The following SYNE1 variants were observed in gnomAD, a reference collection of about 807,000 sequenced individuals.
The protein encoded by SYNE1 is nesprin-1.
SYNE1 carries 616 observed loss-of-function variants against 1,111.0 expected under a neutral mutation model. That is an observed-to-expected ratio of 0.55 (90% confidence interval 0.52 to 0.59). The LOEUF is 0.59. Among genes scored for constraint, SYNE1 ranks in the 20% least tolerant of loss-of-function variants. The pLI, the probability that SYNE1 is intolerant of heterozygous loss-of-function variation, is 0.00. For synonymous variants in SYNE1, 3,855 were observed against 3,825.8 expected, an observed-to-expected ratio of 1.01 and a Z score of -0.28; for missense variants, 10,006 against 10,417.0, an observed-to-expected ratio of 0.96 and a Z score of 1.72.
chr6:152,463,630 A>G lies in SYNE1; in HGVS notation c.1933-113T>C. The G allele has an allele frequency of 1.5e-5, 14 of 931,754 alleles. No homozygotes were observed. The South Asian group carries it at 1.9e-4, about 12-fold the overall frequency. 57.7% of individuals were successfully genotyped at this position (931,754 alleles called of 1,614,324 possible). On this transcript the variant is annotated intron_variant, in intron 18 of 145. Coordinates refer to ENST00000367255, the MANE Select transcript of SYNE1 (RefSeq NM_182961.4). ...TTGTTTTAACATTCATGTGAATTTT[A>G]AGATAAATCACAAATCTCTTTAAAA... is the stretch of plus-strand genomic sequence containing the variant.
At chr6:152,336,728 T>C in intron 76 of SYNE1, 113 bp downstream of exon 76, 1 of 1,345,614 alleles carries the variant, frequency 7.4e-7, no homozygotes, top group Non-Finnish European at 1.1e-6. Flanking sequence ...GTTGTATTAA[T>C]GTCTAAGGAT....
At chr6:152,432,926 A>G (rs2154209558) in intron 34 of SYNE1, among the ~76,000 whole-genome samples, 1 of 152,268 alleles carries the variant, frequency 6.6e-6, no homozygotes, top group Admixed American at 6.5e-5. Flanking sequence ...TGTGAGAAGC[A>G]AGGATGATCT....
At chr6:152,252,488 A>T (rs1210553158) in intron 104 of SYNE1, among the ~76,000 whole-genome samples, 1 of 152,202 alleles carries the variant, frequency 6.6e-6, no homozygotes, top group Admixed American at 6.5e-5. Flanking sequence ...GTGATTCTAT[A>T]TATGTAATGT....
chr6:152,500,466 AG>A (rs2099023471), intron 10 of SYNE1, among the ~76,000 whole-genome samples: 1 of 152,232 alleles, frequency 6.6e-6, no homozygotes, highest in Non-Finnish European at 1.5e-5. Flanking sequence ...ATTGTTTTTA[AG>A]AAGCTAACAT....
chr6:152,300,754 G>C lies in SYNE1; in HGVS notation c.17569C>G (p.Leu5857Val). 1.2e-6 allele frequency: 2 copies of C among 1,614,224 alleles called. No individual in the cohort carries two copies. Among genetic ancestry groups the C allele is most frequent in the Admixed American group, 1.7e-5 (1 of 60,026 alleles). The change falls in exon 93 of 146, where the codon CTG becomes GTG. Residue 5857 changes from leucine to valine, a missense_variant. Transcript: ENST00000367255. ...MMTAGRCHTL[L>V]SPVTEESGEE... ...CCAGACTCCTCAGTGACCGGTGACAGCAAAGTGTGACAGCGACCTGCAGTC... is the reference window on the plus strand; with the variant it reads ...CCAGACTCCTCAGTGACCGGTGACACCAAAGTGTGACAGCGACCTGCAGTC...
chr6:152,165,554 G>A (rs1284788912), intron 130 of SYNE1, among the ~76,000 whole-genome samples: 1 of 151,858 alleles, frequency 6.6e-6, no homozygotes, highest in African/African-American at 2.4e-5. Flanking sequence ...ACCTTTTATT[G>A]TTTTAAAAAA....
At chr6:152,624,638 T>C (rs2099682361) in intron 3 of SYNE1, among the ~76,000 whole-genome samples, 1 of 152,168 alleles carries the variant, frequency 6.6e-6, no homozygotes, top group African/African-American at 2.4e-5. Context: ...TATATTTAAA[T>C]TGAGTAAAGT....
At chr6:152,535,123 A>C (rs1594857183) in intron 4 of SYNE1, among the ~76,000 whole-genome samples, 1 of 152,210 alleles carries the variant, frequency 6.6e-6, no homozygotes, top group Non-Finnish European at 1.5e-5. Context: ...ATCCAATATG[A>C]CTAGTGCCCT....
At chr6:152,260,776 G>A (rs2091877010) in intron 101 of SYNE1, among the ~76,000 whole-genome samples, 1 of 151,874 alleles carries the variant, frequency 6.6e-6, no homozygotes, top group Admixed American at 6.6e-5. Context: ...CATAATAGAA[G>A]CATGCAACCT....
intron 8 of SYNE1, among the ~76,000 whole-genome samples, chr6:152,508,100 A>G (rs2154335374): frequency 6.6e-6 from 1 of 152,302 alleles, no homozygotes; most frequent in Non-Finnish European, 1.5e-5. Context: ...CAGATTCTAA[A>G]GTCTTTTACA....
In SYNE1 at chr6:152,390,270, G is replaced by C. The variant is rs773947102; in HGVS notation, c.8177+10C>G. ...TGGACTTAAACAAACTCTAAAAATAGGTTCTGTACCTTTGAGCGTGGACGG... is the reference window on the plus strand; with the variant it reads ...TGGACTTAAACAAACTCTAAAAATACGTTCTGTACCTTTGAGCGTGGACGG... On this transcript the variant is annotated intron_variant, in intron 53 of 145. Coordinates refer to ENST00000367255, the MANE Select transcript of SYNE1 (RefSeq NM_182961.4). 1.2e-6 allele frequency: 2 copies of C among 1,613,858 alleles called. No homozygotes were observed. Among genetic ancestry groups the C allele is most frequent in the East Asian group, 2.2e-5 (1 of 44,868 alleles).
chr6:152,492,551 T>C (rs1275023634), intron 11 of SYNE1, among the ~76,000 whole-genome samples: 1 of 152,162 alleles, frequency 6.6e-6, no homozygotes, highest in Non-Finnish European at 1.5e-5. Context: ...CTAAGCCATG[T>C]CCCACTTGTG....
intron 3 of SYNE1, among the ~76,000 whole-genome samples, chr6:152,616,853 G>T (rs1246086473): frequency 6.6e-6 from 1 of 151,992 alleles, no homozygotes; most frequent in Non-Finnish European, 1.5e-5. Flanking sequence ...GGTTGCACAG[G>T]GTCCTGCACT....
intron 3 of SYNE1, among the ~76,000 whole-genome samples, chr6:152,614,165 A>C (rs1046466563): frequency 3.9e-5 from 6 of 152,348 alleles, no homozygotes; most frequent in Non-Finnish European, 7.3e-5. Flanking sequence ...GAGCTTCTGC[A>C]CGGCAAAAGA....
At position 152,505,281 on chromosome 6, in the gene SYNE1, C is replaced by T. The variant is rs771529667; in HGVS notation, c.698G>A (p.Arg233Lys). The stretch of plus-strand genomic sequence containing the variant: ...ATCCTCCAAATTTTCTCGGTTGGAT[C>T]TGCCTTTCACTGTCTCCAAGTCCAC... ...ELVDLETVKG[R>K]SNRENLEDAF... Residue 233 changes from arginine (R) to lysine (K), a missense_variant, in exon 9 of 146, where the codon AGA becomes AAA. By Grantham distance (26) the Arg-to-Lys change is conservative. This residue lies in a region of SYNE1 where 1,971 missense variants were observed against 2,084.1 expected (regional missense o/e 0.95). Transcript: ENST00000367255. The T allele has an allele frequency of 8.1e-6, 13 of 1,614,168 alleles. No individual in the cohort carries two copies. The highest frequency in any genetic ancestry group is 1.3e-5 in the African/African-American group (1 of 75,054).
intron 94 of SYNE1, 46 bp downstream of exon 94, chr6:152,293,914 T>C: frequency 6.2e-7 from 1 of 1,613,390 alleles, no homozygotes; most frequent in Non-Finnish European, 8.5e-7. Flanking sequence ...ATCGCTAAGG[T>C]TACTGGTGTC....
At chr6:152,316,747 C>A in intron 87 of SYNE1, 102 bp downstream of exon 87, 1 of 1,416,168 alleles carries the variant, frequency 7.1e-7, no homozygotes, top group Non-Finnish European at 9.8e-7. Context: ...TCTGGTAGCT[C>A]CAAAAATTTT....
Position 152,122,226 on chromosome 6 carries a change from A to T in SYNE1, c.*210T>A. The T allele has an allele frequency of 1.3e-6, 1 of 747,746 alleles. No homozygotes were observed. Among genetic ancestry groups the T allele is most frequent in the Non-Finnish European group, 2.2e-6 (1 of 463,712 alleles). The allele number at this position is 747,746 out of a possible 1,614,324, so 46.3% of individuals were successfully genotyped here. On this transcript the variant is annotated 3_prime_UTR_variant, in exon 146 of 146. Coordinates refer to ENST00000367255, the MANE Select transcript of SYNE1 (RefSeq NM_182961.4). ...CAGAGTCTCAAACCAGATTTCTTCC[A>T]AACCTTCTTGTTGTCTGTTTGTTCC...
At chr6:152,535,166 A>C (rs1413887840) in intron 4 of SYNE1, among the ~76,000 whole-genome samples, 1 of 152,214 alleles carries the variant, frequency 6.6e-6, no homozygotes, top group African/African-American at 2.4e-5. Flanking sequence ...ACAGACATGC[A>C]CAGAGGCAGA....
Sources: allele counts gnomAD v4.1 joint callset (sites outside exome capture counted in the v4.1 genomes callset), GRCh38; gene constraint gnomAD v4.1.1; regional missense constraint gnomAD v4.1.1; transcripts MANE v1.5; gene names NCBI Gene and HGNC (gene_info 2026-07-23, HGNC 2026-07-21).